Variants in ZNF407 observed in about 807,000 individuals in gnomAD.
ZNF407 encodes zinc finger protein 407.
Under a neutral mutation model 131.2 loss-of-function variants are expected in ZNF407, and 17 were observed. The observed-to-expected ratio is 0.13, with a 90% CI of 0.09 to 0.19. The LOEUF (loss-of-function observed/expected upper bound fraction) is 0.19, where lower values mean the gene tolerates loss of function less well. ZNF407 is among the 10% of genes least tolerant of loss of function. The pLI is 1.00. For synonymous variants in ZNF407, 1,156 were observed against 1,062.0 expected (o/e 1.09, Z -1.72); for missense variants, 2,681 against 2,830.6 (o/e 0.95, Z 1.20).
intron 4 of ZNF407, among the ~76,000 whole-genome samples, chr18:74,873,033 A>C (rs1012317350): frequency 6.6e-6 from 1 of 152,200 alleles, no homozygotes; most frequent in African/African-American, 2.4e-5. Flanking sequence ...AAGGTTATAG[A>C]TATAACTGAA....
At chr18:74,857,449 T>G (rs572491807) in intron 4 of ZNF407, among the ~76,000 whole-genome samples, 26 of 152,296 alleles carry the variant, frequency 1.7e-4, no homozygotes, top group Admixed American at 6.5e-4. Flanking sequence ...TCCTTGAATT[T>G]ATTGAGCACC....
chr18:75,040,190 G>A (rs1973357008), intron 8 of ZNF407, among the ~76,000 whole-genome samples: 1 of 152,176 alleles, frequency 6.6e-6, no homozygotes, highest in African/African-American at 2.4e-5. Flanking sequence ...CACGTGGAGT[G>A]ATGTGCATTT....
chr18:74,798,239 G>C (rs1009979546), intron 4 of ZNF407, among the ~76,000 whole-genome samples: 6 of 74,696 alleles, frequency 8.0e-5, no homozygotes, highest in Non-Finnish European at 1.3e-4. Context: ...CACACACACA[G>C]AGTCTCTGAA....
At chr18:74,704,342 A>C (rs1967573261) in intron 3 of ZNF407, among the ~76,000 whole-genome samples, 1 of 152,166 alleles carries the variant, frequency 6.6e-6, no homozygotes, top group African/African-American at 2.4e-5. Flanking sequence ...TTTATAGAGC[A>C]CTTCACTCAA....
rs1344988485 is a variant in ZNF407, at chr18:75,048,960, G to A, written c.5429-14190G>A. On this transcript the variant is annotated intron_variant, in intron 8 of 8. Coordinates refer to ENST00000299687, the MANE Select transcript of ZNF407 (RefSeq NM_017757.3). The surrounding 1 kb of genome is among the most constrained non-coding windows in gnomAD (Gnocchi z 4.1). ...TGGGCCTGGAGGGGACCCTTTTGTGGAGTCACCCTTGGCTGGCCTGGATGC... is the reference window on the plus strand; with the variant it reads ...TGGGCCTGGAGGGGACCCTTTTGTGAAGTCACCCTTGGCTGGCCTGGATGC... Among the ~76,000 whole-genome samples, 1 of 152,142 alleles carries A rather than the reference G, an allele frequency of 6.6e-6. No individual in the cohort carries two copies. The highest frequency in any genetic ancestry group is 2.4e-5 in the African/African-American group (1 of 41,428).
intron 8 of ZNF407, among the ~76,000 whole-genome samples, chr18:74,967,158 G>A (rs939568604): frequency 2.6e-5 from 4 of 152,170 alleles, no homozygotes; most frequent in Admixed American, 1.3e-4. Flanking sequence ...GGAGGCTGAA[G>A]TGGGAGGATC....
At chr18:74,617,936 C>G (rs1376124054) in intron 1 of ZNF407, among the ~76,000 whole-genome samples, 1 of 152,164 alleles carries the variant, frequency 6.6e-6, no homozygotes, top group Non-Finnish European at 1.5e-5. Flanking sequence ...CCAGCACTCC[C>G]TCCATTTTTA....
At chr18:74,763,773 G>A (rs1245619561) in intron 3 of ZNF407, among the ~76,000 whole-genome samples, 3 of 138,922 alleles carry the variant, frequency 2.2e-5, no homozygotes, top group East Asian at 2.2e-4. Flanking sequence ...GCAGTGGCGC[G>A]ATCTCGGCTC....
intron 8 of ZNF407, among the ~76,000 whole-genome samples, chr18:74,956,876 C>T (rs186173162): frequency 2.5e-4 from 38 of 152,168 alleles, no homozygotes; most frequent in Non-Finnish European, 1.5e-4. Flanking sequence ...CTGACAAAGT[C>T]GTAATCACTA....
At chr18:74,601,325 A>ATG in intron 1 of ZNF407, among the ~76,000 whole-genome samples, 1 of 95,160 alleles carries the variant, frequency 1.1e-5, no homozygotes, top group South Asian at 4.1e-4. Context: ...GTGTGTGTGT[A>ATG]TGTCTGTGTG....
chr18:74,631,600 T>G lies in ZNF407; in HGVS notation c.581T>G (p.Leu194Trp). 2 of 1,613,874 alleles carry G rather than the reference T, an allele frequency of 1.2e-6. No homozygotes were observed. The highest frequency in any genetic ancestry group is 2.2e-5 in the South Asian group (2 of 91,082). Reference sequence around the variant, plus strand: ...CTCAAATGCAGCATCTGTGGGCATTTGTTTTCTTCTTGCTCTGACTTGGAA... The same window carrying G: ...CTCAAATGCAGCATCTGTGGGCATTGGTTTTCTTCTTGCTCTGACTTGGAA... ...TVLKCSICGH[L>W]FSSCSDLEKH... The change falls in exon 2 of 9, where the codon TTG becomes TGG. Residue 194 changes from leucine (L) to tryptophan (W), a missense_variant. Around this residue, in one of 6 missense-constraint regions of ZNF407, gnomAD observed 1,789 missense variants for 1,748.7 expected, o/e 1.02. Coordinates refer to ENST00000299687, the MANE Select transcript of ZNF407 (RefSeq NM_017757.3).
intron 3 of ZNF407, among the ~76,000 whole-genome samples, chr18:74,656,687 A>G (rs745459735): frequency 6.6e-6 from 1 of 152,186 alleles, no homozygotes; most frequent in Non-Finnish European, 1.5e-5. Context: ...GATCTACAGT[A>G]ATGAGTCCCT....
intron 4 of ZNF407, among the ~76,000 whole-genome samples, chr18:74,832,072 T>G (rs1970492990): frequency 6.6e-6 from 1 of 152,200 alleles, no homozygotes; most frequent in Non-Finnish European, 1.5e-5. Context: ...AGATGAGCAG[T>G]TGGAGAGTCT....
chr18:75,006,580 T>G (rs1972913140), intron 8 of ZNF407, among the ~76,000 whole-genome samples: 1 of 152,192 alleles, frequency 6.6e-6, no homozygotes, highest in South Asian at 2.1e-4. Context: ...TTCCTCCTTA[T>G]TATTAATCTA....
intron 8 of ZNF407, among the ~76,000 whole-genome samples, chr18:75,011,185 A>T (rs1450649626): frequency 6.6e-6 from 1 of 152,218 alleles, no homozygotes; most frequent in Non-Finnish European, 1.5e-5. Context: ...GACTTCTAGC[A>T]AGTAAAATAA....
intron 4 of ZNF407, among the ~76,000 whole-genome samples, chr18:74,785,628 A>AGTG (rs1969688397): frequency 6.6e-6 from 1 of 152,206 alleles, no homozygotes; most frequent in East Asian, 1.9e-4. Context: ...TATAAGTTGA[A>AGTG]GTGGCATAAA....
intron 5 of ZNF407, among the ~76,000 whole-genome samples, chr18:74,878,133 T>C (rs1420902935): frequency 1.3e-5 from 2 of 152,146 alleles, no homozygotes; most frequent in African/African-American, 4.8e-5. Flanking sequence ...GTTTGTGATT[T>C]CTTTTTTATA....
intron 8 of ZNF407, among the ~76,000 whole-genome samples, chr18:74,924,528 C>T (rs1258251301): frequency 1.3e-5 from 2 of 152,130 alleles, no homozygotes; most frequent in Admixed American, 6.5e-5. Context: ...TTGATTTGAT[C>T]TCTTCAGTTT....
intron 1 of ZNF407, among the ~76,000 whole-genome samples, chr18:74,616,605 A>T (rs1359048768): frequency 6.6e-5 from 10 of 151,988 alleles, no homozygotes; most frequent in Non-Finnish European, 1.2e-4. Context: ...GAAATTTATT[A>T]AAAAAATGCA....
Sources: gnomAD v4.1 joint callset for allele counts (sites outside exome capture counted in the v4.1 genomes callset) on GRCh38, gnomAD v4.1.1 for gene constraint, gnomAD v4.1.1 regional missense constraint, Gnocchi (gnomAD v3.1) non-coding constraint, MANE v1.5 for transcripts, NCBI Gene and HGNC (gene_info 2026-07-23, HGNC 2026-07-21) for gene names.